XCR1: variants seen among roughly 807,000 people sequenced by gnomAD.
The protein encoded by XCR1 is chemokine XC receptor 1.
For missense variants in XCR1, 356 were observed against 424.2 expected (o/e 0.84, Z 1.41); for synonymous variants, 187 against 188.5 (o/e 0.99, Z 0.06).
At chr3:46,035,854 T>C (rs1163767559) in intron 5 of XCR1, among the ~76,000 whole-genome samples, 1 of 152,054 alleles carries the variant, frequency 6.6e-6, no homozygotes, top group Non-Finnish European at 1.5e-5. Flanking sequence ...TTTGTGTGTG[T>C]GTCCAGGCAA....
At position 46,023,612 on chromosome 3, in the gene XCR1, C is replaced by T. The variant is rs560057788; in HGVS notation, c.-31-1634G>A. The T allele has an allele frequency of 1.3e-4, 177 of 1,367,566 alleles. No individual in the cohort carries two copies. The African/African-American group carries it at 2.4e-3, about 18-fold the overall frequency. The allele number at this position is 1,367,566 out of a possible 1,614,324, so 84.7% of individuals were successfully genotyped here. ...CTTCAGGCATCTCACAAACTCTCTG[C>T]CGAGGATGCGGAGGGCCAGAGCCCC... On this transcript the variant is annotated intron_variant, in intron 1 of 1. Coordinates refer to ENST00000309285, the MANE Select transcript of XCR1 (RefSeq NM_001024644.2).
At chr3:46,022,983 T>G (rs549135542) in intron 1 of XCR1, among the ~76,000 whole-genome samples, 1 of 152,282 alleles carries the variant, frequency 6.6e-6, no homozygotes, top group Admixed American at 6.5e-5. Flanking sequence ...AATGGAGAGA[T>G]AGAAAGTCTC....
upstream of XCR1, among the ~76,000 whole-genome samples, chr3:46,030,334 C>G (rs1243053996): frequency 6.6e-6 from 1 of 152,038 alleles, no homozygotes. Context: ...TTAGGAAATT[C>G]CCCTCTATTT....
At chr3:46,031,480 T>C (rs893029274), upstream of XCR1, among the ~76,000 whole-genome samples, 3 of 152,230 alleles carry the variant, frequency 2.0e-5, no homozygotes, top group Non-Finnish European at 4.4e-5. Flanking sequence ...CTCTGGACTT[T>C]GTGCACCGAT....
chr3:46,033,383 A>G (rs181243697), intron 5 of XCR1, among the ~76,000 whole-genome samples: 139 of 152,312 alleles, frequency 9.1e-4, no homozygotes, highest in Admixed American at 3.5e-3. Flanking sequence ...CTGTGTATAG[A>G]TTCCTCTTTT....
At chr3:46,033,439 C>T (rs1162252023) in intron 5 of XCR1, among the ~76,000 whole-genome samples, 4 of 152,130 alleles carry the variant, frequency 2.6e-5, no homozygotes, top group Non-Finnish European at 5.9e-5. Flanking sequence ...TGAAAATATC[C>T]TTTATCCATT....
intron 1 of XCR1, among the ~76,000 whole-genome samples, chr3:46,024,746 A>G (rs1184857910): frequency 6.6e-6 from 1 of 152,192 alleles, no homozygotes; most frequent in Non-Finnish European, 1.5e-5. Flanking sequence ...ACCAGTTTAC[A>G]TGATTAATCA....
upstream of XCR1, among the ~76,000 whole-genome samples, chr3:46,029,489 G>A (rs892598230): frequency 6.6e-6 from 1 of 152,096 alleles, no homozygotes; most frequent in Non-Finnish European, 1.5e-5. Context: ...TTTTGACAAG[G>A]GTCAAAAATC....
intron 5 of XCR1, among the ~76,000 whole-genome samples, chr3:46,041,865 G>C (rs13064632): frequency 0.22 from 33,744 of 152,018 alleles, 5,141 homozygotes; most frequent in African/African-American, 0.42. Flanking sequence ...CTGTTTTCTT[G>C]TACATTGTTA....
chr3:46,071,130 A>G (rs1171284253), intron 3 of XCR1, among the ~76,000 whole-genome samples: 1 of 152,202 alleles, frequency 6.6e-6, no homozygotes, highest in Non-Finnish European at 1.5e-5. Flanking sequence ...ATTAGAGACT[A>G]TTATGAACAA....
intron 5 of XCR1, among the ~76,000 whole-genome samples, chr3:46,035,881 G>C (rs1251793171): frequency 6.6e-6 from 1 of 152,020 alleles, no homozygotes; most frequent in Non-Finnish European, 1.5e-5. Context: ...GTCTTTTGTG[G>C]GTACCAGATA....
chr3:46,031,892 C>T (rs1307008012), upstream of XCR1, among the ~76,000 whole-genome samples: 3 of 152,294 alleles, frequency 2.0e-5, no homozygotes, highest in South Asian at 2.1e-4. Context: ...CTGAGAGCCG[C>T]AGAGACAATG....
chr3:46,072,518 A>G (rs945466231), intron 3 of XCR1, among the ~76,000 whole-genome samples: 4 of 152,174 alleles, frequency 2.6e-5, no homozygotes, highest in Non-Finnish European at 5.9e-5. Flanking sequence ...AAAATAAAAC[A>G]AATAAAAACA....
intron 5 of XCR1, among the ~76,000 whole-genome samples, chr3:46,042,965 A>G (rs1697561646): frequency 6.6e-6 from 1 of 152,202 alleles, no homozygotes; most frequent in African/African-American, 2.4e-5. Context: ...TAAAAGAGCT[A>G]TATACTTGGA....
intron 5 of XCR1, among the ~76,000 whole-genome samples, chr3:46,042,933 C>T (rs1256127512): frequency 6.6e-6 from 1 of 152,080 alleles, no homozygotes; most frequent in Non-Finnish European, 1.5e-5. Context: ...AAAATACTAG[C>T]AAGCTGAATT....
chr3:46,082,726 G>A (rs1698397672), intron 1 of XCR1, among the ~76,000 whole-genome samples: 1 of 152,052 alleles, frequency 6.6e-6, no homozygotes, highest in Admixed American at 6.5e-5. Context: ...CTGGCCTTAA[G>A]TAATTCTCCC....
intron 5 of XCR1, among the ~76,000 whole-genome samples, chr3:46,045,549 CATTCAACATA>C (rs1697610653): frequency 6.6e-6 from 1 of 152,054 alleles, no homozygotes; most frequent in Non-Finnish European, 1.5e-5. Flanking sequence ...CAGAAAAAAG[CATTCAACATA>C]ATTCAACACT....
upstream of XCR1, among the ~76,000 whole-genome samples, chr3:46,030,783 G>A (rs545316113): frequency 3.9e-5 from 6 of 152,356 alleles, no homozygotes; most frequent in African/African-American, 1.2e-4. Context: ...CTGCATCCCT[G>A]AGGCAGCTTA....
In XCR1 at chr3:46,079,142, C is replaced by G. The variant is rs965860632; in HGVS notation, c.-514-2216G>C. On this transcript the variant is annotated intron_variant, in intron 1 of 5. Coordinates refer to the XCR1 transcript ENST00000683768. ...AGTTCCTAAGTTACGGGAAATCAAG[C>G]TTGAAAATCTGAGCGCTCTTTTAAG... Among the ~76,000 whole-genome samples the G allele has an allele frequency of 8.5e-5, 13 of 152,272 alleles. No homozygotes were observed. The South Asian group carries it at 2.7e-3, about 32-fold the overall frequency.
Sources: gnomAD v4.1 joint callset for allele counts (sites outside exome capture counted in the v4.1 genomes callset) on GRCh38, gnomAD v4.1.1 for gene constraint, MANE v1.5 for transcripts, NCBI Gene and HGNC (gene_info 2026-07-23, HGNC 2026-07-21) for gene names.